The following UTP23 variants were observed in gnomAD, a reference collection of about 807,000 sequenced individuals.
UTP23 encodes the protein rRNA-processing protein UTP23 homolog.
In UTP23, 10 loss-of-function variants were observed where a neutral mutation model predicts 19.8. The observed-to-expected ratio is 0.50, with a 90% CI of 0.31 to 0.86. UTP23 has a LOEUF of 0.86. Among genes scored for constraint, UTP23 ranks in the 40% least tolerant of loss-of-function variants. UTP23 has a pLI of 0.05. For synonymous variants in UTP23, 108 were observed against 105.4 expected, an observed-to-expected ratio of 1.02 and a Z score of -0.15; for missense variants, 282 against 293.1, an observed-to-expected ratio of 0.96 and a Z score of 0.28.
intron 1 of UTP23, among the ~76,000 whole-genome samples, chr8:116,769,469 TA>T (rs1257924678): frequency 6.6e-6 from 1 of 152,178 alleles, no homozygotes; most frequent in African/African-American, 2.4e-5. Context: ...TCTTGGAGGA[TA>T]AATTTGGATA....
Position 116,771,708 on chromosome 8 carries a change from AGTT to A in UTP23, c.620_622del (p.Cys207del). 6.2e-7 allele frequency: 1 copy of A among 1,613,042 alleles called. No homozygotes were observed. Among genetic ancestry groups the A allele is most frequent in the Non-Finnish European group, 8.5e-7 (1 of 1,179,882 alleles). Reference sequence around the variant, plus strand: ...GAAAATAAGTGGTCCCAATCCTCTTAGTTGTTTGAAGAAAAAGAAAAAGGCACC... The same window carrying A: ...GAAAATAAGTGGTCCCAATCCTCTTAGTTTGAAGAAAAAGAAAAAGGCACC... On this transcript the variant is annotated inframe_deletion, in exon 3 of 3. Coordinates refer to ENST00000309822, the MANE Select transcript of UTP23 (RefSeq NM_032334.3).
rs529685482 is a variant in UTP23, at chr8:116,771,830, A to C, written c.738A>C (p.Ala246=). The C allele has an allele frequency of 6.3e-7, 1 of 1,576,128 alleles. No homozygotes were observed. Among genetic ancestry groups the C allele is most frequent in the South Asian group, 1.2e-5 (1 of 83,496 alleles). Residue 246 remains alanine (A), a synonymous_variant, in exon 3 of 3, where the codon GCA becomes GCC. Transcript: ENST00000309822. ...NPKVLSEKQN[A]EGE The stretch of plus-strand genomic sequence containing the variant: ...AAGTACTTTCTGAGAAGCAGAATGC[A>C]GAAGGAGAATGAATCCTTTGGATAC...
chr8:116,767,120 C>G (rs1815594613), intron 1 of UTP23, among the ~76,000 whole-genome samples: 1 of 152,206 alleles, frequency 6.6e-6, no homozygotes, highest in Admixed American at 6.5e-5. Context: ...TCGGATTCCT[C>G]ATTTGTAAAA....
rs1815667494 is a variant in UTP23 at position 116,772,276 on chromosome 8, G to T, written c.*434G>T. On this transcript the variant is annotated 3_prime_UTR_variant, in exon 3 of 3. Transcript: ENST00000309822. ...GGAGGTTGTTTCTCCAGGTAAAATTGTCGCCTCTCTGGTCCCATTCCCACC... is the reference window on the plus strand; with the variant it reads ...GGAGGTTGTTTCTCCAGGTAAAATTTTCGCCTCTCTGGTCCCATTCCCACC... The T allele has an allele frequency of 1.0e-6, 1 of 985,702 alleles. No homozygotes were observed. The highest frequency in any genetic ancestry group is 1.2e-6 in the Non-Finnish European group (1 of 830,246). The allele number at this position is 985,702 out of a possible 1,614,324, so 61.1% of individuals were successfully genotyped here.
chr8:116,772,717 TTGAC>T lies in UTP23; in HGVS notation c.*878_*881del, dbSNP rs1422294621. On this transcript the variant is annotated 3_prime_UTR_variant, in exon 3 of 3. Coordinates refer to ENST00000309822, the MANE Select transcript of UTP23 (RefSeq NM_032334.3). ...TTCAAAAATAATATTCTCTTTGAGA[TTGAC>T]TGTGAATGTTATTGAAAAGTGTCTA... 5 of 984,984 alleles carry T rather than the reference TTGAC, an allele frequency of 5.1e-6. No homozygotes were observed. In the South Asian group the frequency reaches 1.4e-4, roughly 28 times the overall value. 61.0% of individuals were successfully genotyped at this position (984,984 alleles called of 1,614,324 possible). A position where few individuals can be genotyped will look rare whatever the true frequency, so the allele number is the denominator to read the frequency against.
chr8:116,767,695 G>A (rs1815602514), intron 1 of UTP23, among the ~76,000 whole-genome samples: 1 of 152,194 alleles, frequency 6.6e-6, no homozygotes, highest in Non-Finnish European at 1.5e-5. Context: ...TGGGAAAGAG[G>A]TTGCAGCACA....
rs1815685353 is a variant in UTP23, at chr8:116,773,459, A to G, written c.*1617A>G. On this transcript the variant is annotated 3_prime_UTR_variant, in exon 3 of 3. Transcript: ENST00000309822. ...GCATCTGAACTGGAGAGCTGGAAAA[A>G]TCCACTTTTTTATGAAGCAGTAATT... 1 of 983,862 alleles carries G rather than the reference A, an allele frequency of 1.0e-6. No homozygotes were observed. Among genetic ancestry groups the G allele is most frequent in the African/African-American group, 1.7e-5 (1 of 57,186 alleles). The allele number at this position is 983,862 out of a possible 1,614,324, so 60.9% of individuals were successfully genotyped here. A position where few individuals can be genotyped will look rare whatever the true frequency, so the allele number is the denominator to read the frequency against.
chr8:116,773,296 A>G lies in UTP23; in HGVS notation c.*1454A>G. ...TTTGTCAATGACAAGCATTAAGGCC[A>G]CCTAATAAAGTGTAGACAAAGTGAT... On this transcript the variant is annotated 3_prime_UTR_variant, in exon 3 of 3. Coordinates refer to ENST00000309822, the MANE Select transcript of UTP23 (RefSeq NM_032334.3). 1.0e-6 allele frequency: 1 copy of G among 985,344 alleles called. No individual in the cohort carries two copies. The highest frequency in any genetic ancestry group is 1.2e-6 in the Non-Finnish European group (1 of 829,864). The allele number at this position is 985,344 out of a possible 1,614,324, so 61.0% of individuals were successfully genotyped here. A position where few individuals can be genotyped will look rare whatever the true frequency, so the allele number is the denominator to read the frequency against.
In UTP23 at chr8:116,771,814, C is replaced by T; in HGVS notation, c.722C>T (p.Ser241Phe). The T allele has an allele frequency of 1.3e-6, 2 of 1,584,306 alleles. No individual in the cohort carries two copies. Among genetic ancestry groups the T allele is most frequent in the Non-Finnish European group, 1.7e-6 (2 of 1,172,446 alleles). Residue 241 changes from serine (S) to phenylalanine (F), a missense_variant, in exon 3 of 3, where the codon TCT (serine) becomes TTT (phenylalanine). Ser to Phe is a radical substitution (Grantham distance 155, BLOSUM62 -2). Transcript: ENST00000309822. Reference protein sequence around the residue: ...IRNRSNPKVLSEKQNAEGE With the variant: ...IRNRSNPKVLFEKQNAEGE Reference sequence around the variant, plus strand: ...AACAGATCTAACCCAAAAGTACTTTCTGAGAAGCAGAATGCAGAAGGAGAA... The same window carrying T: ...AACAGATCTAACCCAAAAGTACTTTTTGAGAAGCAGAATGCAGAAGGAGAA...
chr8:116,769,727 C>A (rs138724606), intron 1 of UTP23, among the ~76,000 whole-genome samples: 1 of 152,028 alleles, frequency 6.6e-6, no homozygotes, highest in Admixed American at 6.6e-5. Context: ...TTTTACTGTT[C>A]TGAATTGAAA....
At chr8:116,770,508 C>G in intron 2 of UTP23, 142 bp downstream of exon 2, 1 of 727,350 alleles carries the variant, frequency 1.4e-6, no homozygotes, top group Non-Finnish European at 2.0e-6. Flanking sequence ...TCAGTAAAAG[C>G]AATTGTCATT....
intron 1 of UTP23, chr8:116,767,006 C>T (rs911502763): frequency 3.2e-5 from 16 of 500,170 alleles, no homozygotes; most frequent in Non-Finnish European, 5.2e-5. Flanking sequence ...TGTCGTTAGC[C>T]TGGCGAATGA....
At chr8:116,770,059 T>C in intron 1 of UTP23, 133 bp from the exon 2 acceptor site, 1 of 858,990 alleles carries the variant, frequency 1.2e-6, no homozygotes, top group South Asian at 2.4e-5. Flanking sequence ...CAAGTGATCT[T>C]TTAAAGTAAA....
At chr8:116,770,164 A>G (rs771933750) in intron 1 of UTP23, 28 bp from the exon 2 acceptor site, 1 of 1,539,508 alleles carries the variant, frequency 6.5e-7, no homozygotes, top group South Asian at 1.2e-5. Context: ...AACAAGTGAA[A>G]TGTATCTGCT....
At chr8:116,770,100 C>T in intron 1 of UTP23, 92 bp from the exon 2 acceptor site, 1 of 1,235,830 alleles carries the variant, frequency 8.1e-7, no homozygotes, top group Non-Finnish European at 1.1e-6. Flanking sequence ...TAGATTGTAA[C>T]AGCATAGTTT....
In UTP23 at chr8:116,772,415, C is replaced by A; in HGVS notation, c.*573C>A. On this transcript the variant is annotated 3_prime_UTR_variant, in exon 3 of 3. Transcript: ENST00000309822. ...ACAGAAGAAACTTCCTCTTTCAATT[C>A]TAGTAGTTGAAGAATTTATATTTCC... 1.1e-6 allele frequency: 1 copy of A among 949,310 alleles called. No individual in the cohort carries two copies. Among genetic ancestry groups the A allele is most frequent in the Non-Finnish European group, 1.3e-6 (1 of 797,112 alleles). 58.8% of individuals were successfully genotyped at this position (949,310 alleles called of 1,614,324 possible).
In UTP23 at chr8:116,770,096, G is replaced by GT. The variant is rs1396799164; in HGVS notation, c.189-95dup. On this transcript the variant is annotated intron_variant, in intron 1 of 2. Transcript: ENST00000309822. ...GGTTACCAGATGACAAATTTAGATT[G>GT]TAACAGCATAGTTTTATTTTAAGAA... is the stretch of plus-strand genomic sequence containing the variant. 3.1e-5 allele frequency: 38 copies of GT among 1,209,518 alleles called. No homozygotes were observed. The Admixed American group carries it at 1.1e-3, about 34-fold the overall frequency. 74.9% of individuals were successfully genotyped at this position (1,209,518 alleles called of 1,614,324 possible). A position where few individuals can be genotyped will look rare whatever the true frequency, so the allele number is the denominator to read the frequency against.
At chr8:116,769,827 C>T (rs966075889) in intron 1 of UTP23, among the ~76,000 whole-genome samples, 2 of 152,112 alleles carry the variant, frequency 1.3e-5, no homozygotes, top group East Asian at 1.9e-4. Context: ...CTGCAAGTCT[C>T]GGTACCACTT....
At chr8:116,769,849 G>A (rs975782280) in intron 1 of UTP23, among the ~76,000 whole-genome samples, 2 of 152,142 alleles carry the variant, frequency 1.3e-5, no homozygotes, top group African/African-American at 4.8e-5. Flanking sequence ...CTAGTTACTT[G>A]AACTTTGGCA....
Sources: allele counts gnomAD v4.1 joint callset (sites outside exome capture counted in the v4.1 genomes callset), GRCh38; gene constraint gnomAD v4.1.1; transcripts MANE v1.5; gene names NCBI Gene and HGNC (gene_info 2026-07-23, HGNC 2026-07-21).